The following GRIK2 variants were observed in gnomAD, a reference collection of about 807,000 sequenced individuals.
The protein encoded by GRIK2 is glutamate ionotropic receptor kainate type subunit 2, also known as glutamate receptor ionotropic, kainate 2.
GRIK2 carries 32 observed loss-of-function variants against 100.3 expected under a neutral mutation model. The observed-to-expected ratio is 0.32, with a 90% CI of 0.24 to 0.43. The LOEUF is 0.43. GRIK2 is among the 20% of genes least tolerant of loss of function. The pLI, the probability that GRIK2 is intolerant of heterozygous loss-of-function variation, is 1.00. For missense variants in GRIK2, 843 were observed against 1,114.9 expected (o/e 0.76, Z 3.47); for synonymous variants, 417 against 389.4 (o/e 1.07, Z -0.83).
chr6:101,436,877 T>A (rs1357231815), intron 2 of GRIK2, among the ~76,000 whole-genome samples: 1 of 151,192 alleles, frequency 6.6e-6, no homozygotes, highest in Non-Finnish European at 1.5e-5. Flanking sequence ...TTAAAAGTCC[T>A]ATATAATTTA....
chr6:101,890,874 T>G (rs1272594939), intron 12 of GRIK2, among the ~76,000 whole-genome samples: 1 of 151,618 alleles, frequency 6.6e-6, no homozygotes, highest in African/African-American at 2.4e-5. Flanking sequence ...ATTCTTTGAA[T>G]TTTTACGTTT....
intron 7 of GRIK2, among the ~76,000 whole-genome samples, chr6:101,722,128 C>T (rs1263042575): frequency 6.6e-6 from 1 of 151,912 alleles, no homozygotes; most frequent in Non-Finnish European, 1.5e-5. Flanking sequence ...TTCACAACTA[C>T]ATCCTGAACA....
chr6:101,775,140 G>A (rs527350317), intron 7 of GRIK2, among the ~76,000 whole-genome samples: 4 of 152,214 alleles, frequency 2.6e-5, no homozygotes, highest in African/African-American at 9.6e-5. Context: ...AACTCTTATT[G>A]TTAAAATTAG....
chr6:101,945,534 C>T (rs904816713), intron 14 of GRIK2, among the ~76,000 whole-genome samples: 1 of 152,050 alleles, frequency 6.6e-6, no homozygotes, highest in Non-Finnish European at 1.5e-5. Flanking sequence ...CACAGCTCTC[C>T]ATATCTATCG....
intron 10 of GRIK2, among the ~76,000 whole-genome samples, chr6:101,835,300 AT>A (rs773819840): frequency 6.6e-6 from 1 of 151,934 alleles, no homozygotes; most frequent in Non-Finnish European, 1.5e-5. Flanking sequence ...TATGTTTGTA[AT>A]TTGTTTTTAT....
intron 12 of GRIK2, among the ~76,000 whole-genome samples, chr6:101,897,083 AT>A (rs945255018): frequency 2.0e-5 from 3 of 151,380 alleles, no homozygotes; most frequent in African/African-American, 7.3e-5. Flanking sequence ...CGTATAAAAA[AT>A]TTTTTTAAAG....
intron 14 of GRIK2, among the ~76,000 whole-genome samples, chr6:101,945,849 T>A (rs1043076195): frequency 6.6e-6 from 1 of 151,926 alleles, no homozygotes; most frequent in African/African-American, 2.4e-5. Context: ...AATGTGAATT[T>A]CATGAGGTCA....
At position 101,478,430 on chromosome 6, in the gene GRIK2, T is replaced by C. The variant is rs932563484; in HGVS notation, c.115+79038T>C. On this transcript the variant is annotated intron_variant, in intron 2 of 16. Transcript: ENST00000369134. The stretch of plus-strand genomic sequence containing the variant: ...TAAAAGAATTTAAAATGGTTATAAA[T>C]ATAACCAGATGTGGAAACTTTTTAT... Among the ~76,000 whole-genome samples, 5 of 150,828 alleles carry C rather than the reference T, an allele frequency of 3.3e-5. 1 individual carries two copies. The highest frequency in any genetic ancestry group is 3.9e-4 in the East Asian group (2 of 5,158).
At chr6:101,496,005 G>T (rs1181420536) in intron 2 of GRIK2, among the ~76,000 whole-genome samples, 2 of 152,018 alleles carry the variant, frequency 1.3e-5, no homozygotes, top group African/African-American at 4.8e-5. Context: ...GAGTGCAGTG[G>T]CGCTATGTTG....
intron 2 of GRIK2, among the ~76,000 whole-genome samples, chr6:101,584,979 T>TA (rs1778285059): frequency 6.6e-6 from 1 of 152,110 alleles, no homozygotes; most frequent in Admixed American, 6.6e-5. Context: ...TTCTCGTTAG[T>TA]AAACCAGCAT....
chr6:101,935,000 A>C (rs1562496695), intron 14 of GRIK2, among the ~76,000 whole-genome samples: 1 of 152,030 alleles, frequency 6.6e-6, no homozygotes, highest in Non-Finnish European at 1.5e-5. Flanking sequence ...TATTCTTTAA[A>C]TGTTTTTCAT....
chr6:101,971,660 T>C (rs895916816), intron 14 of GRIK2, among the ~76,000 whole-genome samples: 1 of 151,984 alleles, frequency 6.6e-6, no homozygotes, highest in African/African-American at 2.4e-5. Flanking sequence ...ATAGTTTTAA[T>C]TGTAACTGAA....
At chr6:101,477,185 A>T (rs1332742365) in intron 2 of GRIK2, among the ~76,000 whole-genome samples, 1 of 152,162 alleles carries the variant, frequency 6.6e-6, no homozygotes, top group Non-Finnish European at 1.5e-5. Context: ...GTTTTAAAAG[A>T]TACCTCAAGA....
intron 11 of GRIK2, among the ~76,000 whole-genome samples, chr6:101,878,058 G>A (rs1474480827): frequency 6.9e-6 from 1 of 145,642 alleles, no homozygotes; most frequent in Non-Finnish European, 1.5e-5. Flanking sequence ...GAAGTGCTTA[G>A]AATCGTGCCA....
chr6:102,009,883 T>C (rs1795434166), intron 14 of GRIK2, among the ~76,000 whole-genome samples: 1 of 152,132 alleles, frequency 6.6e-6, no homozygotes, highest in African/African-American at 2.4e-5. Flanking sequence ...AAGTATTACC[T>C]TGTTAAAAGA....
chr6:101,443,091 C>A (rs1439988030), intron 2 of GRIK2, among the ~76,000 whole-genome samples: 1 of 152,042 alleles, frequency 6.6e-6, no homozygotes, highest in Non-Finnish European at 1.5e-5. Context: ...ACAGAATGAT[C>A]ACCTTGAGAT....
intron 10 of GRIK2, among the ~76,000 whole-genome samples, chr6:101,826,722 A>G (rs1782358324): frequency 6.6e-6 from 1 of 152,004 alleles, no homozygotes; most frequent in South Asian, 2.1e-4. Flanking sequence ...TAATGACCAA[A>G]ATAGAAATTA....
chr6:101,872,440 C>A (rs908592721), intron 11 of GRIK2, among the ~76,000 whole-genome samples: 3 of 151,762 alleles, frequency 2.0e-5, no homozygotes, highest in Non-Finnish European at 2.9e-5. Flanking sequence ...CCTTATAAAA[C>A]CATCAGATCA....
intron 12 of GRIK2, among the ~76,000 whole-genome samples, chr6:101,909,065 A>T (rs1245555977): frequency 5.9e-5 from 9 of 151,298 alleles, no homozygotes; most frequent in Admixed American, 2.0e-4. Context: ...GTAAAACCCA[A>T]CTTCAAAGTA....
Sources: allele counts gnomAD v4.1 joint callset (sites outside exome capture counted in the v4.1 genomes callset), GRCh38; gene constraint gnomAD v4.1.1; transcripts MANE v1.5; gene names NCBI Gene and HGNC (gene_info 2026-07-23, HGNC 2026-07-21).